Variants in ANXA4 observed in about 807,000 individuals in gnomAD.
ANXA4 encodes the protein annexin A4, also known as 35-beta calcimedin.
In ANXA4, 39 loss-of-function variants were observed where a neutral mutation model predicts 49.8. That is an observed-to-expected ratio of 0.78 (90% CI 0.61 to 1.02). The LOEUF (loss-of-function observed/expected upper bound fraction) is 1.02, where lower values mean the gene tolerates loss of function less well. ANXA4 is among the 50% of genes least tolerant of loss of function. ANXA4 has a pLI of 0.00. For missense variants in ANXA4, 360 were observed against 410.1 expected (o/e 0.88, Z 1.05); for synonymous variants, 134 against 152.5 (o/e 0.88, Z 0.89).
At chr2:69,800,477 G>A (rs1308796932) in intron 3 of ANXA4, among the ~76,000 whole-genome samples, 1 of 152,178 alleles carries the variant, frequency 6.6e-6, no homozygotes, top group Non-Finnish European at 1.5e-5. Flanking sequence ...TGTTCAAATA[G>A]TCTATGAATA....
chr2:69,781,370 G>A, intron 1 of ANXA4, 150 bp from the exon 2 acceptor site: 1 of 638,482 alleles, frequency 1.6e-6, no homozygotes, highest in East Asian at 2.7e-5. Context: ...CCCATTCCTT[G>A]TATCTTTGGC....
At chr2:69,731,697 G>A (rs1427389739) in intron 3 of ANXA4, among the ~76,000 whole-genome samples, 1 of 152,168 alleles carries the variant, frequency 6.6e-6, no homozygotes, top group African/African-American at 2.4e-5. Flanking sequence ...CTTGTCAGCT[G>A]TCATGCATCT....
chr2:69,786,652 G>A (rs1296905104), intron 2 of ANXA4, among the ~76,000 whole-genome samples: 2 of 152,026 alleles, frequency 1.3e-5, no homozygotes, highest in Non-Finnish European at 2.9e-5. Context: ...ATATACAAAA[G>A]TAAACAGAAT....
intron 1 of ANXA4, among the ~76,000 whole-genome samples, chr2:69,769,324 C>G (rs1295682517): frequency 6.6e-6 from 1 of 152,118 alleles, no homozygotes; most frequent in Non-Finnish European, 1.5e-5. Context: ...TTAGCCCTAC[C>G]TCTTAAGACA....
intron 3 of ANXA4, among the ~76,000 whole-genome samples, chr2:69,801,828 G>C (rs1369061461): frequency 6.6e-6 from 1 of 152,190 alleles, no homozygotes; most frequent in African/African-American, 2.4e-5. Context: ...GGTTTTAGGG[G>C]TGCTACTGAG....
intron 1 of ANXA4, among the ~76,000 whole-genome samples, chr2:69,646,901 A>G (rs909272368): frequency 2.6e-5 from 4 of 152,212 alleles, no homozygotes; most frequent in Admixed American, 1.3e-4. Flanking sequence ...TTTCAGTAAC[A>G]TCCTAGTAAG....
chr2:69,764,203 G>A (rs1401779128), intron 1 of ANXA4, among the ~76,000 whole-genome samples: 3 of 152,174 alleles, frequency 2.0e-5, no homozygotes, highest in South Asian at 2.1e-4. Context: ...TGGGGTTCCT[G>A]TGTGATCAAC....
At chr2:69,778,428 G>A (rs1216988266) in intron 1 of ANXA4, among the ~76,000 whole-genome samples, 1 of 152,184 alleles carries the variant, frequency 6.6e-6, no homozygotes, top group Non-Finnish European at 1.5e-5. Context: ...CTGTCACCAA[G>A]TCAACTGTCT....
chr2:69,810,203 A>G, intron 6 of ANXA4: 1 of 190,158 alleles, frequency 5.3e-6, no homozygotes, highest in Non-Finnish European at 1.1e-5. Flanking sequence ...TACTAAAAAT[A>G]CAAAAATTAG....
chr2:69,823,629 G>A (rs1221208905), intron 12 of ANXA4, among the ~76,000 whole-genome samples: 1 of 152,088 alleles, frequency 6.6e-6, no homozygotes, highest in African/African-American at 2.4e-5. Flanking sequence ...AGTGGATCAC[G>A]TTATACTGAC....
At chr2:69,733,578 C>T (rs1311797122) in intron 3 of ANXA4, among the ~76,000 whole-genome samples, 1 of 150,358 alleles carries the variant, frequency 6.7e-6, no homozygotes, top group Non-Finnish European at 1.5e-5. Flanking sequence ...CACCACTGCA[C>T]TCCAGCCTGG....
chr2:69,773,530 G>A (rs1671818667), intron 1 of ANXA4, among the ~76,000 whole-genome samples: 2 of 151,316 alleles, frequency 1.3e-5, no homozygotes, highest in African/African-American at 4.9e-5. Flanking sequence ...GATCTGTGAA[G>A]GTCTTAAGTT....
At chr2:69,719,260 CTTTTTTTTTTT>C (rs1192269262) in intron 2 of ANXA4, among the ~76,000 whole-genome samples, 2 of 66,546 alleles carry the variant, frequency 3.0e-5, no homozygotes, top group Non-Finnish European at 5.1e-5. Flanking sequence ...ATTTTCCAGT[CTTTTTTTTTTT>C]TTTTTTTTTT....
chr2:69,773,899 G>A (rs1228053758), intron 1 of ANXA4, among the ~76,000 whole-genome samples: 1 of 151,480 alleles, frequency 6.6e-6, no homozygotes, highest in Non-Finnish European at 1.5e-5. Context: ...CAAAGTGCTG[G>A]GATTACAGGC....
intron 1 of ANXA4, among the ~76,000 whole-genome samples, chr2:69,649,207 G>A (rs1676130599): frequency 6.6e-6 from 1 of 151,938 alleles, no homozygotes; most frequent in African/African-American, 2.4e-5. Context: ...TTTAAACTGA[G>A]CCTTGTCTTC....
At chr2:69,727,026 G>T (rs1313049723) in intron 3 of ANXA4, among the ~76,000 whole-genome samples, 1 of 152,086 alleles carries the variant, frequency 6.6e-6, no homozygotes, top group Non-Finnish European at 1.5e-5. Flanking sequence ...GGGACTACAG[G>T]TGTGCACCAC....
intron 1 of ANXA4, among the ~76,000 whole-genome samples, chr2:69,767,923 T>TTA (rs1169140829): frequency 2.6e-5 from 4 of 152,040 alleles, no homozygotes; most frequent in Non-Finnish European, 4.4e-5. Context: ...TACATACTCT[T>TTA]TATATATATA....
chr2:69,759,071 G>A (rs1671170524), intron 1 of ANXA4, among the ~76,000 whole-genome samples: 1 of 151,300 alleles, frequency 6.6e-6, no homozygotes, highest in African/African-American at 2.4e-5. Context: ...GGGAGGCGGA[G>A]GTTTCAGTGA....
intron 3 of ANXA4, among the ~76,000 whole-genome samples, chr2:69,795,584 G>T (rs1672910598): frequency 6.6e-6 from 1 of 152,178 alleles, no homozygotes; most frequent in Admixed American, 6.5e-5. Flanking sequence ...CCCTTTCCTG[G>T]CCTCTGGCTT....
Sources: allele counts gnomAD v4.1 joint callset (sites outside exome capture counted in the v4.1 genomes callset), GRCh38; gene constraint gnomAD v4.1.1; transcripts MANE v1.5; gene names NCBI Gene and HGNC (gene_info 2026-07-23, HGNC 2026-07-21).